Variants in FAM178B observed in about 807,000 individuals in gnomAD.
FAM178B encodes the protein protein FAM178B.
A neutral mutation model predicts 91.7 loss-of-function variants in FAM178B; 82 were observed. The ratio of observed to expected loss-of-function variants is 0.89; its 90% confidence interval spans 0.75 to 1.07. The LOEUF is 1.07. Ranked by LOEUF, FAM178B falls within the 50% of genes least tolerant of loss-of-function variation. FAM178B has a pLI of 0.00. For missense variants in FAM178B, 769 were observed against 846.7 expected, an observed-to-expected ratio of 0.91 and a Z score of 1.14; for synonymous variants, 368 against 359.4, an observed-to-expected ratio of 1.02 and a Z score of -0.27.
intron 14 of FAM178B, among the ~76,000 whole-genome samples, chr2:96,892,328 G>A (rs1222479926): frequency 6.6e-6 from 1 of 152,162 alleles, no homozygotes; most frequent in Non-Finnish European, 1.5e-5. Context: ...GGTCTAAGGT[G>A]GTCTCGGGCT....
At chr2:96,973,950 C>T (rs1450301889) in intron 1 of FAM178B, among the ~76,000 whole-genome samples, 5 of 151,570 alleles carry the variant, frequency 3.3e-5, no homozygotes, top group African/African-American at 1.2e-4. Flanking sequence ...TTGCAGTGAG[C>T]CAAGATTGCA....
Position 96,891,413 on chromosome 2 carries a change from A to G in FAM178B, c.1776+2513T>C, listed in dbSNP as rs2080676094. Reference sequence around the variant, plus strand: ...TGCAGAGGCTGGTCAGATGGCACACAGGAGGCAGCAGGTTTCCAGAATGGG... The same window carrying G: ...TGCAGAGGCTGGTCAGATGGCACACGGGAGGCAGCAGGTTTCCAGAATGGG... On this transcript the variant is annotated intron_variant, in intron 14 of 16. Coordinates refer to ENST00000490605, the MANE Select transcript of FAM178B (RefSeq NM_001122646.3). Among the ~76,000 whole-genome samples, 3 of 152,242 alleles carry G rather than the reference A, an allele frequency of 2.0e-5. No homozygotes were observed. The South Asian group carries it at 6.2e-4, about 32-fold the overall frequency.
intron 1 of FAM178B, among the ~76,000 whole-genome samples, chr2:96,979,130 C>T (rs113666534): frequency 0.012 from 1,799 of 151,098 alleles, 46 homozygotes; most frequent in African/African-American, 0.042. Context: ...ACACACACCA[C>T]CATGCCTGGC....
At chr2:96,890,337 T>C (rs1364823268) in intron 14 of FAM178B, among the ~76,000 whole-genome samples, 1 of 152,092 alleles carries the variant, frequency 6.6e-6, no homozygotes, top group East Asian at 1.9e-4. Context: ...TGTGGTAGCA[T>C]GTGCCTGTCC....
At chr2:96,902,100 T>C (rs1452896809) in intron 13 of FAM178B, among the ~76,000 whole-genome samples, 2 of 132,696 alleles carry the variant, frequency 1.5e-5, no homozygotes, top group African/African-American at 6.6e-5. Flanking sequence ...ACACCCAGCT[T>C]TTACTACAAT....
intron 12 of FAM178B, among the ~76,000 whole-genome samples, chr2:96,906,887 G>A (rs1426135388): frequency 6.6e-6 from 1 of 152,206 alleles, no homozygotes; most frequent in Non-Finnish European, 1.5e-5. Flanking sequence ...GTCTGCATCT[G>A]GGCTTCATTA....
At chr2:96,960,663 G>A (rs1001370518) in intron 5 of FAM178B, among the ~76,000 whole-genome samples, 11 of 152,336 alleles carry the variant, frequency 7.2e-5, no homozygotes, top group African/African-American at 2.2e-4. Context: ...CTTGCTCAGG[G>A]CACCAGTCCA....
chr2:96,902,536 G>A (rs2080953717), intron 13 of FAM178B, 84 bp downstream of exon 13: 3 of 905,600 alleles, frequency 3.3e-6, no homozygotes, highest in Non-Finnish European at 5.4e-6. Flanking sequence ...TTAGCTCTGG[G>A]GCCTGATGTT....
chr2:96,945,170 G>A (rs2081802102), intron 8 of FAM178B, among the ~76,000 whole-genome samples: 1 of 152,196 alleles, frequency 6.6e-6, no homozygotes, highest in South Asian at 2.1e-4. Context: ...GCATGGCAAT[G>A]TGCCAGAGTA....
intron 6 of FAM178B, among the ~76,000 whole-genome samples, chr2:96,955,224 T>C (rs6576993): frequency 0.8 from 120,383 of 151,202 alleles, 49,447 homozygotes; most frequent in African/African-American, 0.94. Context: ...AAATTAGCCA[T>C]GCGAGACCGG....
intron 8 of FAM178B, among the ~76,000 whole-genome samples, chr2:96,935,090 T>C (rs13403225): frequency 0.31 from 46,613 of 152,086 alleles, 12,144 homozygotes; most frequent in African/African-American, 0.71. Flanking sequence ...AGAGCGACAT[T>C]GTGCCAAACC....
At chr2:96,896,980 C>A (rs2080836715) in intron 13 of FAM178B, among the ~76,000 whole-genome samples, 1 of 152,250 alleles carries the variant, frequency 6.6e-6, no homozygotes, top group Non-Finnish European at 1.5e-5. Flanking sequence ...AATTCTCCTG[C>A]CTCAGTCTCC....
At position 96,967,121 on chromosome 2, in the gene FAM178B, C is replaced by A. The variant is rs903799169; in HGVS notation, c.734+399G>T. On this transcript the variant is annotated intron_variant, in intron 5 of 16. Transcript: ENST00000490605. ...TGGCCCAATTAAATCAGGGCCCCCA[C>A]TCAGAGCTACTTTCTCTTCTCCAGT... Among the ~76,000 whole-genome samples, 8 of 152,198 alleles carry A rather than the reference C, an allele frequency of 5.3e-5. No homozygotes were observed. The South Asian group carries it at 8.3e-4, about 16-fold the overall frequency.
chr2:96,894,665 C>A (rs191328602), intron 13 of FAM178B, among the ~76,000 whole-genome samples: 1 of 70,650 alleles, frequency 1.4e-5, no homozygotes, highest in African/African-American at 6.1e-5. Context: ...ACCCACACCC[C>A]CCTACAGACC....
rs60330255 is a variant in FAM178B at position 96,927,877 on chromosome 2, C to G, written c.1193+1329G>C. ...CTCCACGGCCCCTGCCTGCCTCAGACGTTCATTTGTCTTTCTGAGTGTAAT... is the reference window on the plus strand; with the variant it reads ...CTCCACGGCCCCTGCCTGCCTCAGAGGTTCATTTGTCTTTCTGAGTGTAAT... On this transcript the variant is annotated intron_variant, in intron 9 of 16. Coordinates refer to ENST00000490605, the MANE Select transcript of FAM178B (RefSeq NM_001122646.3). Among the ~76,000 whole-genome samples, 5 of 152,288 alleles carry G rather than the reference C, an allele frequency of 3.3e-5. No homozygotes were observed. In the South Asian group the frequency reaches 1.0e-3, roughly 32 times the overall value.
At chr2:96,936,569 G>A (rs570894903) in intron 8 of FAM178B, among the ~76,000 whole-genome samples, 94 of 150,578 alleles carry the variant, frequency 6.2e-4, no homozygotes, top group African/African-American at 2.2e-3. Context: ...GAGTGCAATG[G>A]CATGATCTTG....
At position 96,950,241 on chromosome 2, in the gene FAM178B, G is replaced by A. The variant is rs574521568; in HGVS notation, c.993+1138C>T. ...TGTGTTCCGTCACACACTGTGCAAG[G>A]AGCAGGGGCTGCACCGCCAGCGTGG... On this transcript the variant is annotated intron_variant, in intron 7 of 16. Coordinates refer to ENST00000490605, the MANE Select transcript of FAM178B (RefSeq NM_001122646.3). 44 of 915,516 alleles carry A rather than the reference G, an allele frequency of 4.8e-5. No homozygotes were observed. In the African/African-American group the frequency reaches 7.1e-4, roughly 15 times the overall value. 56.7% of individuals were successfully genotyped at this position (915,516 alleles called of 1,614,324 possible). A position where few individuals can be genotyped will look rare whatever the true frequency, so the allele number is the denominator to read the frequency against.
intron 14 of FAM178B, among the ~76,000 whole-genome samples, chr2:96,889,812 G>A (rs1445407428): frequency 1.3e-5 from 2 of 151,880 alleles, no homozygotes; most frequent in African/African-American, 2.4e-5. Context: ...GCAATAGCAG[G>A]TTTTGACAGC....
At chr2:96,928,549 G>A (rs929480867) in intron 9 of FAM178B, among the ~76,000 whole-genome samples, 1 of 152,184 alleles carries the variant, frequency 6.6e-6, no homozygotes, top group Admixed American at 6.5e-5. Context: ...TGCTGTTCCT[G>A]AGTGGATATT....
Sources: gnomAD v4.1 joint callset for allele counts (sites outside exome capture counted in the v4.1 genomes callset) on GRCh38, gnomAD v4.1.1 for gene constraint, MANE v1.5 for transcripts, NCBI Gene and HGNC (gene_info 2026-07-23, HGNC 2026-07-21) for gene names.